The following DLGAP2 variants were observed in gnomAD, a reference collection of about 807,000 sequenced individuals.
DLGAP2 encodes DLG associated protein 2.
Under a neutral mutation model 100.3 loss-of-function variants are expected in DLGAP2, and 26 were observed. That is an observed-to-expected ratio of 0.26 (90% CI 0.19 to 0.36). DLGAP2 has a LOEUF of 0.36. Ranked by LOEUF, DLGAP2 falls within the 10% of genes least tolerant of loss-of-function variation. DLGAP2 has a pLI of 1.00. For missense variants in DLGAP2, 1,858 were observed against 1,453.2 expected, an observed-to-expected ratio of 1.28 and a Z score of -4.53; for synonymous variants, 886 against 630.1, an observed-to-expected ratio of 1.41 and a Z score of -6.08.
chr8:838,242 G>A (rs1796919055), intron 1 of DLGAP2, among the ~76,000 whole-genome samples: 1 of 152,036 alleles, frequency 6.6e-6, no homozygotes, highest in African/African-American at 2.4e-5. Context: ...TTTTTAAAAT[G>A]AAAAGTGGTC....
rs1226553657 is a variant in DLGAP2, at chr8:1,701,540, C to T, written c.*134C>T. On this transcript the variant is annotated 3_prime_UTR_variant, in exon 15 of 15. Coordinates refer to ENST00000637795, the MANE Select transcript of DLGAP2 (RefSeq NM_001346810.2). ...GCTCCCGCGCTCCCCGCGCCCCGGA[C>T]ACAGCGGGACGCGGCCGGCGGCCTC... The T allele has an allele frequency of 3.1e-6, 3 of 975,364 alleles. No homozygotes were observed. Among genetic ancestry groups the T allele is most frequent in the Non-Finnish European group, 4.4e-6 (3 of 681,196 alleles). The allele number at this position is 975,364 out of a possible 1,614,324, so 60.4% of individuals were successfully genotyped here.
chr8:1,292,158 G>T (rs1192571220), intron 3 of DLGAP2, among the ~76,000 whole-genome samples: 1 of 152,186 alleles, frequency 6.6e-6, no homozygotes, highest in South Asian at 2.1e-4. Flanking sequence ...AGAATCGCTG[G>T]CTTTGGGGGG....
chr8:1,110,477 CAT>C lies in DLGAP2; in HGVS notation c.74-148373_74-148372del, dbSNP rs766160840. Among the ~76,000 whole-genome samples the C allele has an allele frequency of 1.7e-3, 243 of 147,028 alleles. 3 individuals carry two copies. The highest frequency in any genetic ancestry group is 7.9e-3 in the Middle Eastern group (2 of 254). On this transcript the variant is annotated intron_variant, in intron 2 of 14. Transcript: ENST00000637795. ...CTGTGGGGTGTGCATGGGTCTGTGA[CAT>C]GTGCTCGGTCTGTGATGTGTGCACG...
chr8:1,249,640 TA>T (rs1798992656), intron 2 of DLGAP2, among the ~76,000 whole-genome samples: 1 of 152,176 alleles, frequency 6.6e-6, no homozygotes, highest in African/African-American at 2.4e-5. Flanking sequence ...ATGAAAGACA[TA>T]AACAAGCTGA....
At chr8:1,646,002 C>A (rs1490430882) in intron 8 of DLGAP2, among the ~76,000 whole-genome samples, 1 of 152,156 alleles carries the variant, frequency 6.6e-6, no homozygotes, top group Non-Finnish European at 1.5e-5. Context: ...CCGCACAGTT[C>A]TCTGTATGAT....
intron 2 of DLGAP2, among the ~76,000 whole-genome samples, chr8:1,146,811 C>T (rs1796616795): frequency 6.6e-6 from 1 of 152,232 alleles, no homozygotes; most frequent in African/African-American, 2.4e-5. Context: ...GAGTTCAAGT[C>T]CCCACACAAG....
chr8:1,357,703 C>T (rs1397292056), intron 3 of DLGAP2, among the ~76,000 whole-genome samples: 4 of 152,190 alleles, frequency 2.6e-5, no homozygotes, highest in Non-Finnish European at 5.9e-5. Context: ...GAGACGTCAG[C>T]CTTGCTGCGA....
intron 6 of DLGAP2, among the ~76,000 whole-genome samples, chr8:1,594,854 C>A (rs1406058913): frequency 2.0e-5 from 3 of 152,144 alleles, no homozygotes; most frequent in East Asian, 3.9e-4. Context: ...CTGTGCTCTA[C>A]CTCCTGCCAG....
chr8:1,463,134 C>T (rs186310980), intron 3 of DLGAP2, among the ~76,000 whole-genome samples: 20 of 152,070 alleles, frequency 1.3e-4, no homozygotes, highest in South Asian at 8.3e-4. Flanking sequence ...CCGTAATCCC[C>T]GCTACTCGGG....
At chr8:1,069,037 C>G (rs1803346240) in intron 2 of DLGAP2, among the ~76,000 whole-genome samples, 1 of 152,172 alleles carries the variant, frequency 6.6e-6, no homozygotes, top group African/African-American at 2.4e-5. Flanking sequence ...CAAGAACAAA[C>G]ATTAAAAATC....
chr8:936,114 C>T (rs1306419642), intron 2 of DLGAP2, among the ~76,000 whole-genome samples: 1 of 152,060 alleles, frequency 6.6e-6, no homozygotes, highest in Non-Finnish European at 1.5e-5. Flanking sequence ...CTGAGTGGAA[C>T]AGAACACTGT....
chr8:1,242,775 G>T (rs1050643690), intron 2 of DLGAP2, among the ~76,000 whole-genome samples: 1 of 152,106 alleles, frequency 6.6e-6, no homozygotes, highest in South Asian at 2.1e-4. Flanking sequence ...CAGACGGATG[G>T]ATGGATAGAC....
At chr8:1,691,687 A>C (rs1441010984) in intron 13 of DLGAP2, 61 bp downstream of exon 13, 12 of 1,344,314 alleles carry the variant, frequency 8.9e-6, no homozygotes, top group Non-Finnish European at 1.2e-5. Flanking sequence ...ATCATTCCAC[A>C]GATTCTCATT....
intron 2 of DLGAP2, among the ~76,000 whole-genome samples, chr8:967,531 T>C (rs961002310): frequency 6.6e-6 from 1 of 151,834 alleles, no homozygotes; most frequent in Non-Finnish European, 1.5e-5. Context: ...AAGATAAGGA[T>C]GTGAAACCTA....
At chr8:884,209 T>A (rs997338007) in intron 1 of DLGAP2, among the ~76,000 whole-genome samples, 28 of 152,330 alleles carry the variant, frequency 1.8e-4, no homozygotes, top group African/African-American at 6.3e-4. Context: ...CCTTGAGGAA[T>A]TGTCATACTG....
rs1384514464 is a variant in DLGAP2 at position 1,706,367 on chromosome 8, T to G, written c.*4961T>G. 1 of 152,244 alleles carries G rather than the reference T, an allele frequency of 6.6e-6. No homozygotes were observed. The highest frequency in any genetic ancestry group is 1.9e-4 in the East Asian group (1 of 5,184). The allele number at this position is 152,244 out of a possible 1,614,324, so 9.4% of individuals were successfully genotyped here. A position where few individuals can be genotyped will look rare whatever the true frequency, so the allele number is the denominator to read the frequency against. ...TTGGCTCTAAAGTCCTTTGAGCTCC[T>G]GGGAACAGGTGGTGAAAGTGTGCGT... On this transcript the variant is annotated 3_prime_UTR_variant, in exon 15 of 15. Coordinates refer to ENST00000637795, the MANE Select transcript of DLGAP2 (RefSeq NM_001346810.2).
chr8:1,690,820 G>A lies in DLGAP2; in HGVS notation c.2705-715G>A, dbSNP rs905400812. 2.6e-5 allele frequency among the ~76,000 whole-genome samples: 4 copies of A among 151,674 alleles called. No homozygotes were observed. The Middle Eastern group carries it at 0.01, about 387-fold the overall frequency. On this transcript the variant is annotated intron_variant, in intron 12 of 14. Transcript: ENST00000637795. ...CTGAACTGTGGCCTGCTGACTCATAGCACACTCAGAAATGTAGCGTTAGCA... is the reference window on the plus strand; with the variant it reads ...CTGAACTGTGGCCTGCTGACTCATAACACACTCAGAAATGTAGCGTTAGCA...
intron 2 of DLGAP2, among the ~76,000 whole-genome samples, chr8:1,048,426 A>C (rs1167825868): frequency 6.6e-6 from 1 of 151,950 alleles, no homozygotes; most frequent in African/African-American, 2.4e-5. Flanking sequence ...AAAACCTGCC[A>C]CCGGGTGTTC....
chr8:1,663,345 A>T (rs1214821477), intron 8 of DLGAP2, among the ~76,000 whole-genome samples: 1 of 152,010 alleles, frequency 6.6e-6, no homozygotes, highest in East Asian at 1.9e-4. Context: ...CTCTCCTTTG[A>T]TGGTGGAGTC....
Sources: allele counts gnomAD v4.1 joint callset (sites outside exome capture counted in the v4.1 genomes callset), GRCh38; gene constraint gnomAD v4.1.1; transcripts MANE v1.5; gene names NCBI Gene and HGNC (gene_info 2026-07-23, HGNC 2026-07-21).